The following RBBP5 variants were observed in gnomAD, a reference collection of about 807,000 sequenced individuals.
RBBP5 encodes retinoblastoma-binding protein 5.
A neutral mutation model predicts 72.2 loss-of-function variants in RBBP5; 5 were observed. The observed-to-expected ratio is 0.07, with a 90% CI of 0.04 to 0.15. The LOEUF (loss-of-function observed/expected upper bound fraction) is 0.15, where lower values mean the gene tolerates loss of function less well. RBBP5 is among the 10% of genes least tolerant of loss of function. RBBP5 has a pLI of 1.00. For missense variants in RBBP5, 322 were observed against 652.2 expected (o/e 0.49, Z 5.51); for synonymous variants, 209 against 237.2 (o/e 0.88, Z 1.09).
intron 4 of RBBP5, among the ~76,000 whole-genome samples, chr1:205,104,279 TG>T (rs1416409307): frequency 6.7e-6 from 1 of 148,972 alleles, no homozygotes; most frequent in East Asian, 2.0e-4. Flanking sequence ...CCCAGCACTT[TG>T]GGGAGGCTGA....
At chr1:205,101,895 T>G (rs1455047868) in intron 5 of RBBP5, among the ~76,000 whole-genome samples, 186 bp from the exon 6 acceptor site, 2 of 7,536 alleles carry the variant, frequency 2.7e-4, no homozygotes, top group South Asian at 0.019. Context: ...TAATCTAGTC[T>G]TTTTTTTTTT....
intron 13 of RBBP5, chr1:205,091,353 T>C (rs1655342352): frequency 6.6e-6 from 1 of 152,372 alleles, no homozygotes; most frequent in Admixed American, 6.5e-5. Context: ...AAGCATTTGA[T>C]AGATAGCGCA....
chr1:205,118,187 T>C (rs912393663), intron 1 of RBBP5, among the ~76,000 whole-genome samples: 1 of 152,210 alleles, frequency 6.6e-6, no homozygotes, highest in African/African-American at 2.4e-5. Flanking sequence ...AGCTACTTGT[T>C]TGTCTCTCCT....
intron 13 of RBBP5, among the ~76,000 whole-genome samples, chr1:205,092,396 G>A (rs537382948): frequency 4.6e-5 from 7 of 151,936 alleles, no homozygotes; most frequent in South Asian, 2.1e-4. Context: ...CAATCTGACC[G>A]CCTCAGCCTC....
At chr1:205,094,222 C>A (rs908731823) in intron 13 of RBBP5, among the ~76,000 whole-genome samples, 2 of 152,180 alleles carry the variant, frequency 1.3e-5, no homozygotes, top group African/African-American at 4.8e-5. Context: ...TACACAGATA[C>A]TGTAGTTTCT....
At position 205,087,106 on chromosome 1, in the gene RBBP5, T is replaced by C. The variant is rs1655165794; in HGVS notation, c.*1681A>G. ...ATGATGGAGTGAGACAAAGAGGCTCTTGCTGACGTGCTCTACTTTGATTTC... is the reference window on the plus strand; with the variant it reads ...ATGATGGAGTGAGACAAAGAGGCTCCTGCTGACGTGCTCTACTTTGATTTC... On this transcript the variant is annotated 3_prime_UTR_variant, in exon 14 of 14. Transcript: ENST00000264515. 1 of 152,260 alleles carries C rather than the reference T, an allele frequency of 6.6e-6. No homozygotes were observed. The highest frequency in any genetic ancestry group is 2.1e-4 in the South Asian group (1 of 4,836). The allele number at this position is 152,260 out of a possible 1,614,324, so 9.4% of individuals were successfully genotyped here.
At chr1:205,096,988 A>G in intron 11 of RBBP5, 77 bp from the exon 12 acceptor site, 1 of 1,297,222 alleles carries the variant, frequency 7.7e-7, no homozygotes, top group South Asian at 1.5e-5. Context: ...TTCCTCTATC[A>G]CCTATATTAA....
At chr1:205,106,317 G>A (rs926511514) in intron 3 of RBBP5, among the ~76,000 whole-genome samples, 10 of 152,146 alleles carry the variant, frequency 6.6e-5, no homozygotes, top group African/African-American at 2.2e-4. Flanking sequence ...TCTATAGGAC[G>A]GGCGCAATGG....
At position 205,115,710 on chromosome 1, in the gene RBBP5, T is replaced by C. The variant is rs531884991; in HGVS notation, c.45+148A>G. 1.2e-3 allele frequency: 1,314 copies of C among 1,070,372 alleles called. 4 individuals are homozygous for C. Among genetic ancestry groups the C allele is most frequent in the Non-Finnish European group, 1.6e-3 (1,261 of 805,252 alleles). 66.3% of individuals were successfully genotyped at this position (1,070,372 alleles called of 1,614,324 possible). A position where few individuals can be genotyped will look rare whatever the true frequency, so the allele number is the denominator to read the frequency against. ...CCTATTTCCTCCCTGATCAAAATTG[T>C]ACACTAGCTCCTTATTATAGCATAA... On this transcript the variant is annotated intron_variant, in intron 2 of 13. Coordinates refer to ENST00000264515, the MANE Select transcript of RBBP5 (RefSeq NM_005057.4).
chr1:205,110,100 A>C (rs1291370486), intron 3 of RBBP5, among the ~76,000 whole-genome samples: 1 of 151,324 alleles, frequency 6.6e-6, no homozygotes, highest in African/African-American at 2.4e-5. Flanking sequence ...GGCTCACCGC[A>C]ACCTCCATAT....
chr1:205,117,869 C>A (rs1656587358), intron 1 of RBBP5, among the ~76,000 whole-genome samples: 2 of 151,900 alleles, frequency 1.3e-5, no homozygotes, highest in Admixed American at 1.3e-4. Flanking sequence ...AGCTGGAATG[C>A]AATGATGTTG....
chr1:205,096,588 G>T, intron 12 of RBBP5, 94 bp downstream of exon 12: 1 of 1,168,962 alleles, frequency 8.6e-7, no homozygotes, highest in Non-Finnish European at 1.2e-6. Context: ...TTCCTCTAAG[G>T]TGAAATCGCT....
chr1:205,103,877 T>C lies in RBBP5; in HGVS notation c.502A>G (p.Thr168Ala). Residue 168 changes from threonine (T) to alanine (A), a missense_variant, in exon 5 of 14, where the codon ACG becomes GCG. By Grantham distance (58) the Thr-to-Ala change is moderately conservative. Around this residue, in one of 6 missense-constraint regions of RBBP5, gnomAD observed 161 missense variants for 327.8 expected, o/e 0.49. Transcript: ENST00000264515. Reference sequence around the variant, plus strand: ...CTTACCTTGCCTTTTGCGTTTCCCGTATAAATATATTCCCCTCGCCTATCA... The same window carrying C: ...CTTACCTTGCCTTTTGCGTTTCCCGCATAAATATATTCCCCTCGCCTATCA... ...SFDRRGEYIYTGNAKGKILVL... is the reference protein window; with the variant it reads ...SFDRRGEYIYAGNAKGKILVL... 2 of 1,613,618 alleles carry C rather than the reference T, an allele frequency of 1.2e-6. No individual in the cohort carries two copies. The highest frequency in any genetic ancestry group is 1.7e-6 in the Non-Finnish European group (2 of 1,179,482).
chr1:205,116,853 T>C (rs573040819), intron 1 of RBBP5, among the ~76,000 whole-genome samples: 10 of 152,192 alleles, frequency 6.6e-5, no homozygotes, highest in Admixed American at 2.6e-4. Flanking sequence ...CAAGAGTCAA[T>C]TCATATCAGT....
intron 12 of RBBP5, among the ~76,000 whole-genome samples, chr1:205,095,834 G>C (rs1655590714): frequency 6.6e-6 from 1 of 152,210 alleles, no homozygotes; most frequent in South Asian, 2.1e-4. Flanking sequence ...AAACAGAGTA[G>C]ACACAGAAAT....
In RBBP5 at chr1:205,096,184, C is replaced by G. The variant is rs928245832; in HGVS notation, c.1396+498G>C. On this transcript the variant is annotated intron_variant, in intron 12 of 13. Coordinates refer to ENST00000264515, the MANE Select transcript of RBBP5 (RefSeq NM_005057.4). ...CTGCAGCCTGGGCAACAGAGCGAGA[C>G]CCTGTCTCAAAAAAATAAAATAAAA... 2.6e-4 allele frequency among the ~76,000 whole-genome samples: 39 copies of G among 151,776 alleles called. 1 individual carries two copies. Among genetic ancestry groups the G allele is most frequent in the African/African-American group, 8.9e-4 (37 of 41,344 alleles).
chr1:205,109,309 TA>T (rs1174212975), intron 3 of RBBP5, among the ~76,000 whole-genome samples: 2 of 149,810 alleles, frequency 1.3e-5, no homozygotes, highest in East Asian at 3.9e-4. Flanking sequence ...AAATACACTG[TA>T]ACAGGAAACC....
rs140376352 is a variant in RBBP5 at position 205,088,248 on chromosome 1, C to T, written c.*539G>A. ...TTCTGAAAATTTGAAATCTTTCAAG[C>T]ACTTTCTTTTCTGCCCATCCTTTGC... On this transcript the variant is annotated 3_prime_UTR_variant, in exon 14 of 14. Coordinates refer to ENST00000264515, the MANE Select transcript of RBBP5 (RefSeq NM_005057.4). 1 of 152,644 alleles carries T rather than the reference C, an allele frequency of 6.6e-6. No individual in the cohort carries two copies. Among genetic ancestry groups the T allele is most frequent in the African/African-American group, 2.4e-5 (1 of 41,578 alleles). The allele number at this position is 152,644 out of a possible 1,614,324, so 9.5% of individuals were successfully genotyped here.
At chr1:205,093,840 T>C (rs1655509573) in intron 13 of RBBP5, among the ~76,000 whole-genome samples, 1 of 152,048 alleles carries the variant, frequency 6.6e-6, no homozygotes, top group African/African-American at 2.4e-5. Flanking sequence ...AAACAAAGAA[T>C]TCTGTTTTGC....
Sources: gnomAD v4.1 joint callset for allele counts (sites outside exome capture counted in the v4.1 genomes callset) on GRCh38, gnomAD v4.1.1 for gene constraint, gnomAD v4.1.1 regional missense constraint, MANE v1.5 for transcripts, NCBI Gene and HGNC (gene_info 2026-07-23, HGNC 2026-07-21) for gene names.